Variants in CATSPER1 observed in about 807,000 individuals in gnomAD.
CATSPER1 encodes the protein cation channel sperm-associated protein 1.
CATSPER1 carries 57 observed loss-of-function variants against 72.7 expected under a neutral mutation model. That is an observed-to-expected ratio of 0.78 (90% CI 0.63 to 0.98). CATSPER1 has a LOEUF of 0.98. CATSPER1 is among the 50% of genes least tolerant of loss of function. The pLI is 0.00. For synonymous variants in CATSPER1, 363 were observed against 403.0 expected, an observed-to-expected ratio of 0.90 and a Z score of 1.19; for missense variants, 910 against 1,033.9, an observed-to-expected ratio of 0.88 and a Z score of 1.64.
At position 66,021,635 on chromosome 11, in the gene CATSPER1, TGAA is replaced by T. The variant is rs752479166; in HGVS notation, c.1549_1551del (p.Phe517del). 2.5e-6 allele frequency: 4 copies of T among 1,606,892 alleles called. No individual in the cohort carries two copies. Among genetic ancestry groups the T allele is most frequent in the Admixed American group, 1.7e-5 (1 of 58,318 alleles). On this transcript the variant is annotated inframe_deletion, in exon 4 of 12. Transcript: ENST00000312106. ...AAGTCCAGCACGGCCATGGCCATAA[TGAA>T]GAAGTCTGAGGGCACGGGGTGCCTG...
In CATSPER1 at chr11:66,026,168, A is replaced by C. The variant is rs1470710763; in HGVS notation, c.212T>G (p.Leu71Trp). The C allele has an allele frequency of 2.5e-6, 4 of 1,605,856 alleles. No individual in the cohort carries two copies. Among genetic ancestry groups the C allele is most frequent in the East Asian group, 2.2e-5 (1 of 44,630 alleles). Residue 71 changes from leucine to tryptophan, a missense_variant, in exon 1 of 12, where the codon TTG becomes TGG. Transcript: ENST00000312106. ...PEFQDFHDQA[L>W]SSHVHQSHHH... is the part of the protein sequence containing the mutation. Reference sequence around the variant, plus strand: ...GTGAGATTGGTGGACATGGGAGGACAAGGCTTGGTCGTGGAAGTCTTGGAA... The same window carrying C: ...GTGAGATTGGTGGACATGGGAGGACCAGGCTTGGTCGTGGAAGTCTTGGAA...
At position 66,021,711 on chromosome 11, in the gene CATSPER1, C is replaced by G. The variant is rs866031033; in HGVS notation, c.1543+55G>C. 5.6e-6 allele frequency: 9 copies of G among 1,612,562 alleles called. No individual in the cohort carries two copies. The African/African-American group carries it at 9.3e-5, about 17-fold the overall frequency. ...AGCGCCCCCTTCCCCATCCTTCTCT[C>G]GTCCCGAGCCTCCCCCAGACTAAAC... On this transcript the variant is annotated intron_variant, in intron 3 of 11. Transcript: ENST00000312106.
chr11:66,024,704 G>C (rs1427192103), intron 1 of CATSPER1, among the ~76,000 whole-genome samples: 1 of 152,176 alleles, frequency 6.6e-6, no homozygotes, highest in Non-Finnish European at 1.5e-5. Context: ...CTGTTCTCAA[G>C]CAGCTCACAG....
Position 66,017,110 on chromosome 11 carries a change from A to C in CATSPER1, c.2266T>G (p.Phe756Val), listed in dbSNP as rs777914787. ...TCGATGACGGCTGCCTGGGAGCGGAACTTCTGCTGCTCCTGCTCCACGCTT... is the reference window on the plus strand; with the variant it reads ...TCGATGACGGCTGCCTGGGAGCGGACCTTCTGCTGCTCCTGCTCCACGCTT... ...VASVEQEQQK[F>V]RSQAAVIDEI... The change falls in exon 11 of 12, where the codon TTC (phenylalanine) becomes GTC (valine). Residue 756 changes from phenylalanine (F) to valine (V), a missense_variant. Phe to Val is a conservative substitution (Grantham distance 50, BLOSUM62 -1). Transcript: ENST00000312106. 6.3e-7 allele frequency: 1 copy of C among 1,582,144 alleles called. No individual in the cohort carries two copies. The highest frequency in any genetic ancestry group is 8.6e-7 in the Non-Finnish European group (1 of 1,163,216).
intron 1 of CATSPER1, 72 bp from the exon 2 acceptor site, chr11:66,023,133 G>C (rs1856413379): frequency 1.4e-6 from 2 of 1,411,988 alleles, no homozygotes; most frequent in Non-Finnish European, 2.0e-6. Context: ...CCCCCAGCCT[G>C]GCTCAGCGTC....
Position 66,021,525 on chromosome 11 carries a change from C to T in CATSPER1, c.1662G>A (p.Leu554=), listed in dbSNP as rs1479838125. Residue 554 remains leucine, a synonymous_variant, in exon 4 of 12, where the codon CTG becomes CTA. Transcript: ENST00000312106. ...GCCTCCGCAGGACCCGGATTGCCCT[C>T]AGGGCCCGCAGGCTCTTGAAGACCT... ...ILKVFKSLRA[L]RAIRVLRRLS... is the part of the protein sequence containing the mutation. 3 of 1,613,856 alleles carry T rather than the reference C, an allele frequency of 1.9e-6. No homozygotes were observed. The highest frequency in any genetic ancestry group is 2.5e-6 in the Non-Finnish European group (3 of 1,180,006).
intron 9 of CATSPER1, among the ~76,000 whole-genome samples, chr11:66,019,258 C>A (rs770857361): frequency 6.6e-6 from 1 of 152,006 alleles, no homozygotes; most frequent in Non-Finnish European, 1.5e-5. Context: ...GTAACTTAGG[C>A]CTGGCCAATT....
At chr11:66,022,732 G>A in intron 2 of CATSPER1, 117 bp downstream of exon 2, 1 of 951,738 alleles carries the variant, frequency 1.1e-6, no homozygotes, top group East Asian at 2.5e-5. Flanking sequence ...CTACTTCCCA[G>A]GGGTGAGGAT....
intron 4 of CATSPER1, 95 bp downstream of exon 4, chr11:66,021,401 C>G (rs763107436): frequency 6.7e-7 from 1 of 1,496,326 alleles, no homozygotes; most frequent in Non-Finnish European, 9.1e-7. Flanking sequence ...CGCCCCCATC[C>G]CTTGAGCAGG....
At position 66,019,896 on chromosome 11, in the gene CATSPER1, G is replaced by A. The variant is rs148110348; in HGVS notation, c.2125+244C>T. On this transcript the variant is annotated intron_variant, in intron 9 of 11. Coordinates refer to ENST00000312106, the MANE Select transcript of CATSPER1 (RefSeq NM_053054.4). The stretch of plus-strand genomic sequence containing the variant: ...TGCAGCACCGCACTCCAGCCTGTGC[G>A]ACAGAGCACAAGACTCCATCTCAAA... Among the ~76,000 whole-genome samples the A allele has an allele frequency of 7.4e-3, 891 of 119,952 alleles. 3 individuals carry two copies. The highest frequency in any genetic ancestry group is 0.014 in the Middle Eastern group (2 of 138). The allele number at this position is 119,952 out of a possible 152,430, so 78.7% of individuals were successfully genotyped here.
rs757360456 is a variant in CATSPER1, at chr11:66,025,263, G to A, written c.1117C>T (p.Arg373Cys). ...MTRSSSTIRS[R>C]VTQMSKKVHT... ...ACTTTTTTGGACATCTGGGTGACAC[G>A]TGAGCGGATTGTGCTGGAGGACCGA... Residue 373 changes from arginine to cysteine, a missense_variant, in exon 1 of 12, where the codon CGT becomes TGT. By Grantham distance (180) the Arg-to-Cys change is radical. Transcript: ENST00000312106. The A allele has an allele frequency of 8.7e-6, 14 of 1,614,178 alleles. No individual in the cohort carries two copies. The highest frequency in any genetic ancestry group is 2.2e-5 in the East Asian group (1 of 44,882).
rs760633728 is a variant in CATSPER1 at position 66,020,610 on chromosome 11, G to A, written c.1945C>T (p.Pro649Ser). The change falls in exon 7 of 12, where the codon CCC becomes TCC. Residue 649 changes from proline to serine, a missense_variant. Physicochemically the swap from Pro to Ser is moderately conservative, Grantham distance 74. Coordinates refer to ENST00000312106, the MANE Select transcript of CATSPER1 (RefSeq NM_053054.4). The surrounding 1 kb of genome is among the most constrained non-coding windows in gnomAD (Gnocchi z 4.5). The stretch of plus-strand genomic sequence containing the variant: ...ATGATGATGTAAATTACGAGGATGG[G>A]AATGATGTACCAGGCGCCTAGGGGG... ...SRAQGAWYII[P>S]ILVIYIIIQY... 2 of 1,612,464 alleles carry A rather than the reference G, an allele frequency of 1.2e-6. No homozygotes were observed. The highest frequency in any genetic ancestry group is 2.2e-5 in the East Asian group (1 of 44,848).
At chr11:66,025,038 C>T in intron 1 of CATSPER1, 126 bp downstream of exon 1, 1 of 1,105,522 alleles carries the variant, frequency 9.0e-7, no homozygotes, top group Admixed American at 1.7e-5. Context: ...AGTGAATAGC[C>T]AGTGGGGGAC....
chr11:66,025,651 G>A lies in CATSPER1; in HGVS notation c.729C>T (p.His243=), dbSNP rs753126981. 2.9e-5 allele frequency: 46 copies of A among 1,613,748 alleles called. No individual in the cohort carries two copies. The highest frequency in any genetic ancestry group is 2.4e-4 in the African/African-American group (18 of 74,880). ...EAHQHGKSPH[H]GETISPHSSV... ...AGGAATGAGGGGAAATGGTCTCTCC[G>A]TGATGAGGAGACTTTCCATGCTGGT... The change falls in exon 1 of 12, where the codon CAC becomes CAT. Residue 243 remains histidine (H), a synonymous_variant. Transcript: ENST00000312106.
In CATSPER1 at chr11:66,022,898, G is replaced by T. The variant is rs756579721; in HGVS notation, c.1380C>A (p.Asn460Lys). 11 of 1,614,136 alleles carry T rather than the reference G, an allele frequency of 6.8e-6. No homozygotes were observed. The highest frequency in any genetic ancestry group is 5.0e-5 in the Admixed American group (3 of 60,012). Residue 460 changes from asparagine to lysine, a missense_variant, in exon 2 of 12, where the codon AAC (asparagine) becomes AAA (lysine). Physicochemically the swap from Asn to Lys is moderately conservative, Grantham distance 94. Transcript: ENST00000312106. ...AGGTCTGGGCCACCAGCATGACGGT[G>T]TTGAGGCAGACAACGAAGAAGATGA... ...ETFIFFVVCL[N>K]TVMLVAQTFA...
chr11:66,020,852 A>G lies in CATSPER1; in HGVS notation c.1886T>C (p.Leu629Pro), dbSNP rs1856349584. The change falls in exon 6 of 12, where the codon CTG becomes CCG. Residue 629 changes from leucine (L) to proline (P), a missense_variant. Transcript: ENST00000312106. The surrounding 1 kb of genome is among the most constrained non-coding windows in gnomAD (Gnocchi z 4.5). ...CATGTAGATGAGGGACCAGTCATCC[A>G]GCGTGAGCAAGGTGAAGAGGGTGAA... ...TIFTLFTLLT[L>P]DDWSLIYMDS... is the part of the protein sequence containing the mutation. 1 of 1,613,936 alleles carries G rather than the reference A, an allele frequency of 6.2e-7. No individual in the cohort carries two copies. Among genetic ancestry groups the G allele is most frequent in the Non-Finnish European group, 8.5e-7 (1 of 1,180,036 alleles).
rs200189507 is a variant in CATSPER1, at chr11:66,025,287, G to A, written c.1093C>T (p.Arg365Trp). 27 of 1,614,176 alleles carry A rather than the reference G, an allele frequency of 1.7e-5. No homozygotes were observed. The African/African-American group carries it at 2.5e-4, about 15-fold the overall frequency. The stretch of plus-strand genomic sequence containing the variant: ...CGTGAGCGGATTGTGCTGGAGGACC[G>A]AGTCATGCTGTGAGCCGAGCCCCGT... The part of the protein sequence containing the change: ...HPRGSAHSMT[R>W]SSSTIRSRVT... The change falls in exon 1 of 12, where the codon CGG (arginine) becomes TGG (tryptophan). Residue 365 changes from arginine (R) to tryptophan (W), a missense_variant. Physicochemically the swap from Arg to Trp is moderately radical, Grantham distance 101. Coordinates refer to ENST00000312106, the MANE Select transcript of CATSPER1 (RefSeq NM_053054.4).
At chr11:66,022,828 A>G in intron 2 of CATSPER1, 21 bp downstream of exon 2, 1 of 1,613,466 alleles carries the variant, frequency 6.2e-7, no homozygotes, top group Non-Finnish European at 8.5e-7. Context: ...CTCCATGGGA[A>G]CAGGACTCCC....
chr11:66,019,752 C>CA (rs1383237670), intron 9 of CATSPER1, among the ~76,000 whole-genome samples: 3 of 151,248 alleles, frequency 2.0e-5, no homozygotes, highest in South Asian at 2.1e-4. Flanking sequence ...CACACACACA[C>CA]AAAAAAACAA....
Sources: gnomAD v4.1 joint callset for allele counts (sites outside exome capture counted in the v4.1 genomes callset) on GRCh38, gnomAD v4.1.1 for gene constraint, Gnocchi (gnomAD v3.1) non-coding constraint, MANE v1.5 for transcripts, NCBI Gene and HGNC (gene_info 2026-07-23, HGNC 2026-07-21) for gene names.